Variants in CCSER1 observed in about 807,000 individuals in gnomAD.
The protein encoded by CCSER1 is coiled-coil serine rich protein 1.
In CCSER1, 41 loss-of-function variants were observed where a neutral mutation model predicts 82.0. The observed-to-expected ratio is 0.50, with a 90% CI of 0.39 to 0.65. The LOEUF (loss-of-function observed/expected upper bound fraction) is 0.65, where lower values mean the gene tolerates loss of function less well. Among genes scored for constraint, CCSER1 ranks in the 30% least tolerant of loss-of-function variants. The pLI is 0.00. For missense variants in CCSER1, 1,119 were observed against 1,064.2 expected, an observed-to-expected ratio of 1.05 and a Z score of -0.72; for synonymous variants, 414 against 383.9, an observed-to-expected ratio of 1.08 and a Z score of -0.92.
chr4:90,515,687 G>A (rs767154329), intron 5 of CCSER1, among the ~76,000 whole-genome samples: 3 of 152,064 alleles, frequency 2.0e-5, no homozygotes, highest in Admixed American at 6.6e-5. Flanking sequence ...CACATATCAA[G>A]TACATGTGAT....
chr4:90,556,744 GGAA>G (rs1778187756), intron 5 of CCSER1, among the ~76,000 whole-genome samples: 1 of 151,724 alleles, frequency 6.6e-6, no homozygotes, highest in South Asian at 2.1e-4. Context: ...CTGAGGAAGA[GGAA>G]GAAGAGGAGG....
intron 1 of CCSER1, among the ~76,000 whole-genome samples, chr4:90,179,245 TAAAG>T (rs10583120): frequency 0.29 from 43,409 of 151,754 alleles, 7,865 homozygotes; most frequent in East Asian, 0.64. Context: ...AATGTAAAGT[TAAAG>T]AAGAAGAAAA....
At chr4:90,922,947 A>G (rs773157087) in intron 8 of CCSER1, among the ~76,000 whole-genome samples, 3 of 152,290 alleles carry the variant, frequency 2.0e-5, no homozygotes, top group Admixed American at 1.3e-4. Context: ...AAGCATGACA[A>G]AATTAAAACA....
At chr4:90,704,908 A>G (rs993683106) in intron 6 of CCSER1, among the ~76,000 whole-genome samples, 1 of 152,024 alleles carries the variant, frequency 6.6e-6, no homozygotes, top group Non-Finnish European at 1.5e-5. Context: ...GCTTCTTTTA[A>G]TGGGTTCGAA....
At chr4:90,955,569 G>A (rs576387582) in intron 9 of CCSER1, among the ~76,000 whole-genome samples, 1 of 152,174 alleles carries the variant, frequency 6.6e-6, no homozygotes, top group African/African-American at 2.4e-5. Context: ...CAAAGCTGTG[G>A]CCAGAGGATT....
At chr4:91,356,536 AT>A (rs1292958680) in intron 10 of CCSER1, among the ~76,000 whole-genome samples, 1 of 151,928 alleles carries the variant, frequency 6.6e-6, no homozygotes, top group Admixed American at 6.6e-5. Context: ...TCTTATTATT[AT>A]TTTTTTTCCT....
At chr4:90,459,366 T>C (rs1440584029) in intron 4 of CCSER1, among the ~76,000 whole-genome samples, 3 of 152,198 alleles carry the variant, frequency 2.0e-5, no homozygotes. Flanking sequence ...GATCTTTTTA[T>C]TTAATTATTA....
chr4:91,075,740 A>C (rs991020368), intron 9 of CCSER1, among the ~76,000 whole-genome samples: 2 of 152,110 alleles, frequency 1.3e-5, no homozygotes, highest in East Asian at 3.8e-4. Flanking sequence ...AAGTGAACAC[A>C]AATAAAGGTG....
chr4:91,039,298 C>A (rs1370728271), intron 9 of CCSER1, among the ~76,000 whole-genome samples: 2 of 152,038 alleles, frequency 1.3e-5, no homozygotes, highest in Non-Finnish European at 2.9e-5. Context: ...CCACCTCTGC[C>A]TCCCAAAGTG....
chr4:90,377,555 TC>T (rs1352975541), intron 3 of CCSER1, among the ~76,000 whole-genome samples: 1 of 152,128 alleles, frequency 6.6e-6, no homozygotes, highest in East Asian at 1.9e-4. Context: ...AAGGAAAATA[TC>T]AGTAGCACAT....
intron 7 of CCSER1, among the ~76,000 whole-genome samples, chr4:90,782,687 T>TTTTC (rs1554012810): frequency 2.1e-5 from 2 of 95,522 alleles, no homozygotes; most frequent in Non-Finnish European, 5.5e-5. Flanking sequence ...CTTTCTTTCT[T>TTTTC]TTTTTTTTTT....
intron 9 of CCSER1, among the ~76,000 whole-genome samples, chr4:91,067,232 G>A (rs1322409235): frequency 6.6e-6 from 1 of 151,858 alleles, no homozygotes; most frequent in Non-Finnish European, 1.5e-5. Flanking sequence ...TTAAATGAGT[G>A]AATAAGCCAG....
intron 8 of CCSER1, among the ~76,000 whole-genome samples, chr4:90,917,899 G>A (rs930907169): frequency 4.0e-5 from 6 of 151,822 alleles, no homozygotes; most frequent in African/African-American, 1.2e-4. Flanking sequence ...CTTTTACAGT[G>A]TCAGTTTTTC....
chr4:91,046,152 A>G (rs1452240958), intron 9 of CCSER1, among the ~76,000 whole-genome samples: 4 of 48,806 alleles, frequency 8.2e-5, no homozygotes, highest in African/African-American at 1.7e-4. Flanking sequence ...AGGCCTGACA[A>G]TAATAAAAAC....
At chr4:90,940,444 A>T (rs9307092) in intron 9 of CCSER1, among the ~76,000 whole-genome samples, 1 of 151,970 alleles carries the variant, frequency 6.6e-6, no homozygotes, top group Non-Finnish European at 1.5e-5. Context: ...AGACTTTCTC[A>T]CAGTGTTCAT....
At chr4:91,547,770 C>T (rs1176816453) in intron 10 of CCSER1, among the ~76,000 whole-genome samples, 3 of 151,648 alleles carry the variant, frequency 2.0e-5, no homozygotes, top group African/African-American at 7.3e-5. Flanking sequence ...CACAATTTTT[C>T]TGAGTTTTTT....
chr4:90,911,309 C>T (rs1726315552), intron 8 of CCSER1: 1 of 455,986 alleles, frequency 2.2e-6, no homozygotes, highest in Non-Finnish European at 4.4e-6. Flanking sequence ...GGCTGTGTTT[C>T]TTGAAGATTC....
intron 9 of CCSER1, among the ~76,000 whole-genome samples, chr4:91,006,285 A>AT (rs896683175): frequency 3.3e-4 from 50 of 150,664 alleles, no homozygotes; most frequent in East Asian, 2.5e-3. Context: ...TATAAATGAG[A>AT]TTTTTTTTGT....
intron 9 of CCSER1, among the ~76,000 whole-genome samples, chr4:90,976,335 C>T (rs957375124): frequency 4.0e-5 from 6 of 151,086 alleles, no homozygotes; most frequent in African/African-American, 1.5e-4. Context: ...GAAAAATGTT[C>T]ACTTACCAAA....
Sources: allele counts gnomAD v4.1 joint callset (sites outside exome capture counted in the v4.1 genomes callset), GRCh38; gene constraint gnomAD v4.1.1; transcripts MANE v1.5; gene names NCBI Gene and HGNC (gene_info 2026-07-23, HGNC 2026-07-21).